LAMTOR3: variants seen among roughly 807,000 people sequenced by gnomAD.
The protein encoded by LAMTOR3 is late endosomal/lysosomal adaptor, MAPK and MTOR activator 3.
LAMTOR3 carries 14 observed loss-of-function variants against 20.3 expected under a neutral mutation model. That is an observed-to-expected ratio of 0.69 (90% CI 0.46 to 1.08). The LOEUF (loss-of-function observed/expected upper bound fraction) is 1.08, where lower values mean the gene tolerates loss of function less well. LAMTOR3 is among the 50% of genes least tolerant of loss of function. The pLI, the probability that LAMTOR3 is intolerant of heterozygous loss-of-function variation, is 0.00. For synonymous variants in LAMTOR3, 40 were observed against 49.4 expected (o/e 0.81, Z 0.80); for missense variants, 125 against 143.7 (o/e 0.87, Z 0.67).
intron 3 of LAMTOR3, among the ~76,000 whole-genome samples, chr4:99,889,069 G>A (rs1724978335): frequency 6.6e-6 from 1 of 152,082 alleles, no homozygotes. Flanking sequence ...GCTGGGTGTG[G>A]TGGTGCTTGT....
intron 5 of LAMTOR3, among the ~76,000 whole-genome samples, chr4:99,885,044 CTT>C: frequency 6.6e-6 from 1 of 151,934 alleles, no homozygotes; most frequent in Middle Eastern, 3.4e-3. Flanking sequence ...TTAATTTAGT[CTT>C]AAGAAAATGT....
intron 3 of LAMTOR3, among the ~76,000 whole-genome samples, chr4:99,890,237 A>G (rs1463725327): frequency 6.6e-6 from 1 of 152,248 alleles, no homozygotes; most frequent in African/African-American, 2.4e-5. Flanking sequence ...TAATTATGAA[A>G]TATTTGGTTG....
rs1184415868 is a variant in LAMTOR3, at chr4:99,881,446, T to C, written c.*548A>G. The C allele has an allele frequency of 1.3e-5, 2 of 152,290 alleles. No homozygotes were observed. The highest frequency in any genetic ancestry group is 4.8e-5 in the African/African-American group (2 of 41,466). 9.4% of individuals were successfully genotyped at this position (152,290 alleles called of 1,614,324 possible). On this transcript the variant is annotated 3_prime_UTR_variant, in exon 7 of 7. Coordinates refer to ENST00000499666, the MANE Select transcript of LAMTOR3 (RefSeq NM_021970.4). Reference sequence around the variant, plus strand: ...CTCTGAGAATAATCAAACTGATTAGTAATATTCATCTATACTGCAAAATAA... The same window carrying C: ...CTCTGAGAATAATCAAACTGATTAGCAATATTCATCTATACTGCAAAATAA...
chr4:99,878,399 T>G lies in LAMTOR3; in HGVS notation c.*3595A>C, dbSNP rs1724751408. 1 of 152,232 alleles carries G rather than the reference T, an allele frequency of 6.6e-6. No homozygotes were observed. The highest frequency in any genetic ancestry group is 1.5e-5 in the Non-Finnish European group (1 of 68,048). The allele number at this position is 152,232 out of a possible 1,614,324, so 9.4% of individuals were successfully genotyped here. ...CCAAATATCCCATTTTATTGTTTGT[T>G]GAAATATTTTATTTCTAATTTTATT... On this transcript the variant is annotated 3_prime_UTR_variant, in exon 7 of 7. Transcript: ENST00000499666.
intron 4 of LAMTOR3, 32 bp from the exon 5 acceptor site, chr4:99,885,707 T>G: frequency 1.3e-6 from 2 of 1,592,944 alleles, no homozygotes; most frequent in African/African-American, 2.7e-5. Flanking sequence ...ATAAAAATTA[T>G]GCAGAGGATA....
chr4:99,887,257 A>C (rs1366295111), intron 4 of LAMTOR3, 39 bp downstream of exon 4: 1 of 1,382,782 alleles, frequency 7.2e-7, no homozygotes, highest in African/African-American at 1.5e-5. Flanking sequence ...TTTTAGTCAA[A>C]AGCAAAGAAG....
At chr4:99,883,629 A>AAAATTT (rs1724866709) in intron 6 of LAMTOR3, among the ~76,000 whole-genome samples, 1 of 152,016 alleles carries the variant, frequency 6.6e-6, no homozygotes, top group Non-Finnish European at 1.5e-5. Flanking sequence ...CCCATTAGGT[A>AAAATTT]AAATTTAAAA....
At chr4:99,886,401 T>C (rs1327124309) in intron 4 of LAMTOR3, among the ~76,000 whole-genome samples, 1 of 152,206 alleles carries the variant, frequency 6.6e-6, no homozygotes, top group African/African-American at 2.4e-5. Context: ...GTCCGAAGAT[T>C]ATAAACCACA....
intron 5 of LAMTOR3, 96 bp downstream of exon 5, chr4:99,885,446 T>C: frequency 9.0e-7 from 1 of 1,115,898 alleles, no homozygotes; most frequent in South Asian, 2.4e-5. Context: ...TCTTCAAAAC[T>C]AAAATTGAGA....
rs561829267 is a variant in LAMTOR3, at chr4:99,880,722, T to A, written c.*1272A>T. On this transcript the variant is annotated 3_prime_UTR_variant, in exon 7 of 7. Transcript: ENST00000499666. The stretch of plus-strand genomic sequence containing the variant: ...CAACTCCCAGAGCATAGAAATATGA[T>A]GAGACATGAATGGTGCTTCTTAGAA... The A allele has an allele frequency of 1.2e-4, 19 of 152,260 alleles. No homozygotes were observed. The highest frequency in any genetic ancestry group is 6.5e-5 in the Admixed American group (1 of 15,280). 9.4% of individuals were successfully genotyped at this position (152,260 alleles called of 1,614,324 possible).
At chr4:99,882,228 CA>C (rs148283607) in intron 6 of LAMTOR3, among the ~76,000 whole-genome samples, 161 bp from the exon 7 acceptor site, 272 of 152,218 alleles carry the variant, frequency 1.8e-3, no homozygotes, top group African/African-American at 6.2e-3. Flanking sequence ...ATCCCTTATC[CA>C]AAATGCTGGG....
intron 3 of LAMTOR3, among the ~76,000 whole-genome samples, chr4:99,889,236 A>T (rs1364254036): frequency 6.6e-6 from 1 of 152,176 alleles, no homozygotes; most frequent in Non-Finnish European, 1.5e-5. Flanking sequence ...AAATAAATAT[A>T]TTCTTCTAAG....
intron 4 of LAMTOR3, among the ~76,000 whole-genome samples, 177 bp downstream of exon 4, chr4:99,887,119 G>A (rs1724942812): frequency 2.0e-5 from 3 of 152,112 alleles, no homozygotes; most frequent in Admixed American, 1.3e-4. Context: ...ATAATACATT[G>A]TAGATTCAAA....
At chr4:99,882,639 T>C (rs1173187343) in intron 6 of LAMTOR3, among the ~76,000 whole-genome samples, 1 of 152,056 alleles carries the variant, frequency 6.6e-6, no homozygotes, top group African/African-American at 2.4e-5. Context: ...AAATAATACA[T>C]ATGATTTTTA....
At chr4:99,893,166 T>C (rs866009271) in intron 2 of LAMTOR3, among the ~76,000 whole-genome samples, 9 of 152,262 alleles carry the variant, frequency 5.9e-5, no homozygotes, top group Non-Finnish European at 7.4e-5. Flanking sequence ...GAGGTATCAA[T>C]GCGCCTGGCT....
At chr4:99,892,167 T>G in intron 2 of LAMTOR3, 133 bp from the exon 3 acceptor site, 2 of 1,380,524 alleles carry the variant, frequency 1.4e-6, no homozygotes, top group Non-Finnish European at 1.9e-6. Flanking sequence ...TCTTTCTCTG[T>G]CTGATTTGGA....
intron 3 of LAMTOR3, among the ~76,000 whole-genome samples, chr4:99,890,281 T>C (rs1724999023): frequency 1.3e-5 from 2 of 152,218 alleles, no homozygotes; most frequent in South Asian, 2.1e-4. Context: ...TATTAAAGCC[T>C]GAGACTGCTT....
At chr4:99,888,066 C>A (rs1724960941) in intron 3 of LAMTOR3, among the ~76,000 whole-genome samples, 1 of 152,180 alleles carries the variant, frequency 6.6e-6, no homozygotes, top group African/African-American at 2.4e-5. Context: ...ATGCAGTAAT[C>A]CTTTCAGCCA....
chr4:99,891,879 A>T, intron 3 of LAMTOR3, 121 bp downstream of exon 3: 1 of 1,428,116 alleles, frequency 7.0e-7, no homozygotes, highest in Non-Finnish European at 9.2e-7. Context: ...CTGGCAAAAA[A>T]TATTCATATT....
Sources: gnomAD v4.1 joint callset for allele counts (sites outside exome capture counted in the v4.1 genomes callset) on GRCh38, gnomAD v4.1.1 for gene constraint, MANE v1.5 for transcripts, NCBI Gene and HGNC (gene_info 2026-07-23, HGNC 2026-07-21) for gene names.